The following PIK3R4 variants were observed in gnomAD, a reference collection of about 807,000 sequenced individuals.
The protein encoded by PIK3R4 is phosphoinositide 3-kinase regulatory subunit 4.
In PIK3R4, 46 loss-of-function variants were observed where a neutral mutation model predicts 136.5. That is an observed-to-expected ratio of 0.34 (90% confidence interval 0.27 to 0.43). The LOEUF is 0.43. PIK3R4 is among the 20% of genes least tolerant of loss of function. The pLI is 1.00. For missense variants in PIK3R4, 1,331 were observed against 1,649.5 expected (o/e 0.81, Z 3.35); for synonymous variants, 557 against 566.7 (o/e 0.98, Z 0.24).
intron 9 of PIK3R4, among the ~76,000 whole-genome samples, chr3:130,712,564 G>C (rs1477963797): frequency 6.6e-6 from 1 of 151,842 alleles, no homozygotes; most frequent in East Asian, 1.9e-4. Flanking sequence ...GCTACTCAGG[G>C]GGCTGAGACA....
intron 10 of PIK3R4, 43 bp from the exon 11 acceptor site, chr3:130,707,178 T>G: frequency 7.0e-7 from 1 of 1,422,200 alleles, no homozygotes; most frequent in Non-Finnish European, 9.6e-7. Flanking sequence ...AGGTAGCCTT[T>G]AAAACCATTA....
Position 130,733,602 on chromosome 3 carries a change from C to T in PIK3R4, c.1396G>A (p.Gly466Ser). The change falls in exon 4 of 20, where the codon GGC (glycine) becomes AGC (serine). Residue 466 changes from glycine to serine, a missense_variant. By Grantham distance (56) the Gly-to-Ser change is moderately conservative (BLOSUM62 0). This residue lies in a region of PIK3R4 where 1,180 missense variants were observed against 1,407.0 expected (regional missense o/e 0.84). Coordinates refer to ENST00000356763, the MANE Select transcript of PIK3R4 (RefSeq NM_014602.3). ...TCATCTTGGGCTAAGTGGGCTATGC[C>T]TGGCAGAATGTATTCCGGATAAATA... ...INIYPEYILPGIAHLAQDDAT... is the reference protein window; with the variant it reads ...INIYPEYILPSIAHLAQDDAT... The T allele has an allele frequency of 1.9e-6, 3 of 1,614,092 alleles. No individual in the cohort carries two copies. Among genetic ancestry groups the T allele is most frequent in the Non-Finnish European group, 2.5e-6 (3 of 1,179,946 alleles).
chr3:130,712,443 C>T (rs1157330011), intron 9 of PIK3R4, among the ~76,000 whole-genome samples: 2 of 151,910 alleles, frequency 1.3e-5, no homozygotes, highest in Non-Finnish European at 2.9e-5. Flanking sequence ...CCAAGGCGGG[C>T]GGATCACCTG....
intron 9 of PIK3R4, among the ~76,000 whole-genome samples, chr3:130,714,230 C>T (rs990322847): frequency 5.3e-5 from 8 of 152,152 alleles, no homozygotes; most frequent in African/African-American, 1.7e-4. Flanking sequence ...AAAAGCTCTC[C>T]AGGAATTCAA....
intron 7 of PIK3R4, among the ~76,000 whole-genome samples, chr3:130,721,165 C>A (rs530791466): frequency 1.7e-3 from 261 of 149,246 alleles, no homozygotes; most frequent in African/African-American, 6.1e-3. Flanking sequence ...GAAACCCCGT[C>A]TCTACTAAAA....
At chr3:130,686,648 A>G (rs756641661) in intron 14 of PIK3R4, among the ~76,000 whole-genome samples, 5 of 152,200 alleles carry the variant, frequency 3.3e-5, no homozygotes, top group Non-Finnish European at 7.4e-5. Flanking sequence ...TAGGTAAACA[A>G]CTTATATAAC....
At position 130,690,557 on chromosome 3, in the gene PIK3R4, C is replaced by G; in HGVS notation, c.3196G>C (p.Val1066Leu). ...GAAGCCTCAATTCCAAGAAGCTGGA[C>G]AGCACCATTATCAGATGCTATGGCT... ...YLAIASDNGA[V>L]QLLGIEASKL... Residue 1066 changes from valine (V) to leucine (L), a missense_variant, in exon 14 of 20, where the codon GTC becomes CTC. Val to Leu is a conservative substitution (Grantham distance 32). Transcript: ENST00000356763. The G allele has an allele frequency of 2.5e-6, 4 of 1,612,940 alleles. No homozygotes were observed. The highest frequency in any genetic ancestry group is 2.5e-6 in the Non-Finnish European group (3 of 1,178,948).
intron 15 of PIK3R4, 53 bp downstream of exon 15, chr3:130,686,158 T>G: frequency 1.9e-6 from 2 of 1,056,042 alleles, no homozygotes; most frequent in Non-Finnish European, 3.0e-6. Flanking sequence ...AGACAGCAAT[T>G]GCAGGCATTA....
At chr3:130,718,317 G>T in intron 8 of PIK3R4, 72 bp downstream of exon 8, 1 of 1,261,202 alleles carries the variant, frequency 7.9e-7, no homozygotes, top group South Asian at 1.4e-5. Flanking sequence ...AGAAAAATAG[G>T]ACTCTCTAAA....
In PIK3R4 at chr3:130,746,739, T is replaced by C. The variant is rs1221466621; in HGVS notation, c.-468A>G. ...GGGGAGATGGAACCCGGGAGAGAAG[T>C]GCAGACCGCCAGTCCCAAGAAAACA... On this transcript the variant is annotated 5_prime_UTR_variant, in exon 1 of 20. Transcript: ENST00000356763. The C allele has an allele frequency of 2.6e-5, 4 of 152,136 alleles. No homozygotes were observed. Among genetic ancestry groups the C allele is most frequent in the East Asian group, 1.9e-4 (1 of 5,188 alleles). 9.4% of individuals were successfully genotyped at this position (152,136 alleles called of 1,614,324 possible).
intron 6 of PIK3R4, chr3:130,723,824 T>C (rs550748558): frequency 3.9e-5 from 14 of 359,998 alleles, no homozygotes; most frequent in Non-Finnish European, 5.5e-5. Context: ...AATGAAAATA[T>C]AGGTCTCCTA....
chr3:130,689,010 G>GA (rs1037849573), intron 14 of PIK3R4, among the ~76,000 whole-genome samples: 5 of 152,162 alleles, frequency 3.3e-5, no homozygotes, highest in South Asian at 2.1e-4. Context: ...GAGGAGTGAT[G>GA]AAAAAATCCA....
At position 130,745,373 on chromosome 3, in the gene PIK3R4, C is replaced by A. The variant is rs1171411698; in HGVS notation, c.-46-109G>T. The A allele has an allele frequency of 4.3e-6, 3 of 705,100 alleles. No homozygotes were observed. The East Asian group carries it at 8.4e-5, about 20-fold the overall frequency. The allele number at this position is 705,100 out of a possible 1,614,324, so 43.7% of individuals were successfully genotyped here. A position where few individuals can be genotyped will look rare whatever the true frequency, so the allele number is the denominator to read the frequency against. ...CCAAAAAGACAGATGCAGCATACTT[C>A]TCTTCCACTAACAGCACTGTACCTA... On this transcript the variant is annotated intron_variant, in intron 1 of 19. Transcript: ENST00000356763.
intron 13 of PIK3R4, among the ~76,000 whole-genome samples, chr3:130,700,985 TA>T (rs887983587): frequency 6.6e-6 from 1 of 152,194 alleles, no homozygotes; most frequent in African/African-American, 2.4e-5. Context: ...TAAAGTCAGC[TA>T]AATTACCAAA....
chr3:130,725,764 C>T (rs920670377), intron 6 of PIK3R4: 20 of 151,550 alleles, frequency 1.3e-4, no homozygotes, highest in Non-Finnish European at 2.8e-4. Flanking sequence ...GCATAAGTAT[C>T]AGAAAAAAAT....
chr3:130,727,364 C>G (rs1322299418), intron 6 of PIK3R4, among the ~76,000 whole-genome samples: 1 of 152,072 alleles, frequency 6.6e-6, no homozygotes, highest in East Asian at 1.9e-4. Context: ...CCTCCGAGTA[C>G]AGGCACCCGC....
chr3:130,687,368 G>A (rs183622691), intron 14 of PIK3R4, among the ~76,000 whole-genome samples: 1 of 152,260 alleles, frequency 6.6e-6, no homozygotes, highest in Admixed American at 6.5e-5. Context: ...CACTTATGAT[G>A]TTAACTTGAA....
intron 8 of PIK3R4, among the ~76,000 whole-genome samples, chr3:130,717,177 G>GT (rs960141059): frequency 4.1e-5 from 6 of 144,966 alleles, no homozygotes; most frequent in Admixed American, 3.4e-4. Flanking sequence ...TTTTTTTTCT[G>GT]TGACTCTAGC....
chr3:130,710,483 A>G (rs145493271), intron 9 of PIK3R4, among the ~76,000 whole-genome samples: 40 of 152,254 alleles, frequency 2.6e-4, no homozygotes, highest in African/African-American at 9.1e-4. Context: ...ATTGAATGGT[A>G]TAATGTCGAG....
Sources: gnomAD v4.1 joint callset for allele counts (sites outside exome capture counted in the v4.1 genomes callset) on GRCh38, gnomAD v4.1.1 for gene constraint, gnomAD v4.1.1 regional missense constraint, MANE v1.5 for transcripts, NCBI Gene and HGNC (gene_info 2026-07-23, HGNC 2026-07-21) for gene names.